The following CDH13 variants were observed in gnomAD, a reference collection of about 807,000 sequenced individuals.
CDH13 encodes cadherin 13.
In CDH13, 24 loss-of-function variants were observed where a neutral mutation model predicts 63.8. The ratio of observed to expected loss-of-function variants is 0.38; its 90% CI spans 0.27 to 0.53. The LOEUF is 0.53. CDH13 is among the 20% of genes least tolerant of loss of function. CDH13 has a pLI of 0.85. For synonymous variants in CDH13, 503 were observed against 355.3 expected (o/e 1.42, Z -4.67); for missense variants, 1,049 against 903.1 (o/e 1.16, Z -2.07).
intron 4 of CDH13, among the ~76,000 whole-genome samples, chr16:83,166,443 C>T (rs148379650): frequency 2.0e-5 from 3 of 152,192 alleles, no homozygotes; most frequent in East Asian, 1.9e-4. Flanking sequence ...TCCAAGGTTG[C>T]GGACAATTAA....
chr16:83,435,854 C>T (rs375061495), intron 6 of CDH13, among the ~76,000 whole-genome samples: 5 of 152,230 alleles, frequency 3.3e-5, no homozygotes, highest in South Asian at 2.1e-4. Flanking sequence ...TTGCAGACTC[C>T]GCTGTGTGAA....
intron 1 of CDH13, among the ~76,000 whole-genome samples, chr16:82,710,462 G>C (rs1368370755): frequency 7.1e-6 from 1 of 140,878 alleles, no homozygotes; most frequent in Admixed American, 7.3e-5. Context: ...AACCCAGGAG[G>C]GCGGAGCTTG....
chr16:83,193,134 T>G (rs2038774722), intron 4 of CDH13, among the ~76,000 whole-genome samples: 1 of 151,034 alleles, frequency 6.6e-6, no homozygotes, highest in East Asian at 2.0e-4. Flanking sequence ...ATCATCAACA[T>G]CCAGGGAAAT....
At chr16:82,796,726 G>C (rs1228170837) in intron 1 of CDH13, among the ~76,000 whole-genome samples, 1 of 152,214 alleles carries the variant, frequency 6.6e-6, no homozygotes, top group Non-Finnish European at 1.5e-5. Context: ...GAGCTTCTTT[G>C]CTGTGACAAA....
intron 3 of CDH13, among the ~76,000 whole-genome samples, chr16:83,043,947 T>C (rs531529488): frequency 1.1e-4 from 17 of 152,336 alleles, no homozygotes; most frequent in Admixed American, 7.8e-4. Flanking sequence ...CATCTCAATT[T>C]AGAGTATTTA....
chr16:82,855,636 G>A (rs1013403578), intron 1 of CDH13, among the ~76,000 whole-genome samples: 14 of 152,192 alleles, frequency 9.2e-5, no homozygotes, highest in African/African-American at 3.4e-4. Context: ...TGCTTCCAGA[G>A]CGATCTAACC....
intron 9 of CDH13, among the ~76,000 whole-genome samples, chr16:83,673,403 A>G (rs904129428): frequency 6.6e-6 from 1 of 152,022 alleles, no homozygotes; most frequent in Non-Finnish European, 1.5e-5. Flanking sequence ...CTCCAGACCT[A>G]TAACACTTGG....
chr16:83,440,906 G>C (rs141011602), intron 6 of CDH13, among the ~76,000 whole-genome samples: 1 of 151,968 alleles, frequency 6.6e-6, no homozygotes, highest in Admixed American at 6.6e-5. Context: ...ATGAACCCAT[G>C]ACTGTGACCT....
intron 1 of CDH13, among the ~76,000 whole-genome samples, chr16:82,662,153 C>T (rs1211350152): frequency 1.3e-5 from 2 of 152,198 alleles, no homozygotes; most frequent in Admixed American, 6.5e-5. Flanking sequence ...TGCAGATATT[C>T]TGGCATAGAA....
At chr16:83,442,229 C>T (rs1467520782) in intron 6 of CDH13, among the ~76,000 whole-genome samples, 1 of 152,196 alleles carries the variant, frequency 6.6e-6, no homozygotes. Flanking sequence ...TCAGTTACCT[C>T]ATCCGTAAAA....
intron 6 of CDH13, among the ~76,000 whole-genome samples, chr16:83,456,585 A>G (rs980696484): frequency 1.3e-5 from 2 of 152,136 alleles, no homozygotes; most frequent in African/African-American, 4.8e-5. Flanking sequence ...CAGATGGGCT[A>G]ATGGAAGGAA....
chr16:83,458,488 T>C (rs549696441), intron 6 of CDH13, among the ~76,000 whole-genome samples: 11 of 152,358 alleles, frequency 7.2e-5, no homozygotes, highest in African/African-American at 2.4e-4. Context: ...TTTGTTTTGA[T>C]ATGATTTTAC....
chr16:82,627,578 G>C (rs1054792346), intron 1 of CDH13, among the ~76,000 whole-genome samples: 3 of 152,106 alleles, frequency 2.0e-5, no homozygotes, highest in African/African-American at 4.8e-5. Flanking sequence ...AGCGCTGCTC[G>C]GGTCCGGATT....
intron 3 of CDH13, among the ~76,000 whole-genome samples, chr16:83,094,395 G>A (rs1006553409): frequency 1.8e-4 from 27 of 152,334 alleles, no homozygotes; most frequent in Admixed American, 1.4e-3. Context: ...AGAGAGAGAA[G>A]TTGGGCTGTG....
intron 10 of CDH13, among the ~76,000 whole-genome samples, chr16:83,681,299 G>A (rs1915384366): frequency 6.6e-6 from 1 of 152,156 alleles, no homozygotes. Flanking sequence ...AGAAAATAGA[G>A]CTGCAGTGTG....
At chr16:83,028,941 C>G (rs1411867434) in intron 2 of CDH13, among the ~76,000 whole-genome samples, 2 of 152,118 alleles carry the variant, frequency 1.3e-5, no homozygotes, top group East Asian at 3.9e-4. Context: ...GGCAAATGGT[C>G]CAGGGTTCAA....
chr16:83,785,941 A>C (rs982186080), intron 13 of CDH13, among the ~76,000 whole-genome samples: 3 of 152,154 alleles, frequency 2.0e-5, no homozygotes, highest in South Asian at 2.1e-4. Context: ...CCCACCCTAA[A>C]GACGTGCTGG....
intron 8 of CDH13, among the ~76,000 whole-genome samples, chr16:83,646,712 A>AAAACACACACAC (rs1168012793): frequency 8.7e-5 from 7 of 80,526 alleles, no homozygotes; most frequent in Admixed American, 3.3e-4. Context: ...AAAAAAAAAA[A>AAAACACACACAC]ACACACACAC....
chr16:83,605,275 G>C (rs1235639465), intron 8 of CDH13, among the ~76,000 whole-genome samples: 1 of 152,160 alleles, frequency 6.6e-6, no homozygotes, highest in African/African-American at 2.4e-5. Flanking sequence ...CTCTCATTTG[G>C]ATATTAAATG....
Sources: gnomAD v4.1 joint callset for allele counts (sites outside exome capture counted in the v4.1 genomes callset) on GRCh38, gnomAD v4.1.1 for gene constraint, MANE v1.5 for transcripts, NCBI Gene and HGNC (gene_info 2026-07-23, HGNC 2026-07-21) for gene names.